Variants in PTPRT observed in about 807,000 individuals in gnomAD.
The protein encoded by PTPRT is receptor-type tyrosine-protein phosphatase T.
In PTPRT, 56 loss-of-function variants were observed where a neutral mutation model predicts 176.8. That is an observed-to-expected ratio of 0.32 (90% CI 0.26 to 0.40). PTPRT has a LOEUF of 0.40. Among genes scored for constraint, PTPRT ranks in the 10% least tolerant of loss-of-function variants. The pLI is 1.00. For missense variants in PTPRT, 1,540 were observed against 1,908.2 expected (o/e 0.81, Z 3.60); for synonymous variants, 783 against 739.0 (o/e 1.06, Z -0.96).
intron 7 of PTPRT, among the ~76,000 whole-genome samples, chr20:42,629,887 T>C (rs1043936906): frequency 2.6e-5 from 4 of 152,186 alleles, no homozygotes; most frequent in Non-Finnish European, 4.4e-5. Context: ...GGAAAAATGA[T>C]ACTCTTAGCG....
chr20:42,095,861 A>T (rs981112706), intron 27 of PTPRT, among the ~76,000 whole-genome samples: 9 of 152,174 alleles, frequency 5.9e-5, no homozygotes, highest in Admixed American at 3.9e-4. Context: ...CTGAATCAAT[A>T]GACTCTCTCC....
At chr20:42,631,657 C>T (rs922563408) in intron 7 of PTPRT, among the ~76,000 whole-genome samples, 8 of 152,158 alleles carry the variant, frequency 5.3e-5, no homozygotes, top group Admixed American at 4.6e-4. Context: ...AACATTTAAA[C>T]TCTTGATTCT....
At chr20:42,701,278 A>G (rs1426168147) in intron 6 of PTPRT, among the ~76,000 whole-genome samples, 5 of 152,222 alleles carry the variant, frequency 3.3e-5, no homozygotes, top group Admixed American at 3.3e-4. Flanking sequence ...ACTGCAAGGT[A>G]AGTTATCCAA....
At chr20:42,845,468 T>C (rs1400690884) in intron 2 of PTPRT, among the ~76,000 whole-genome samples, 1 of 152,170 alleles carries the variant, frequency 6.6e-6, no homozygotes, top group East Asian at 1.9e-4. Flanking sequence ...TGTGTGCACA[T>C]GTGTGTGACA....
At chr20:42,736,633 G>T (rs2076544458) in intron 6 of PTPRT, among the ~76,000 whole-genome samples, 1 of 152,192 alleles carries the variant, frequency 6.6e-6, no homozygotes, top group Admixed American at 6.5e-5. Context: ...ATTAGAATTT[G>T]TGTGGTCAAG....
intron 7 of PTPRT, among the ~76,000 whole-genome samples, chr20:42,474,596 T>C (rs547327629): frequency 7.9e-5 from 12 of 152,164 alleles, no homozygotes; most frequent in Admixed American, 7.9e-4. Context: ...AATGTGACAT[T>C]GAACAAGCTG....
chr20:42,837,371 C>T (rs1351644682), intron 2 of PTPRT, among the ~76,000 whole-genome samples: 4 of 152,180 alleles, frequency 2.6e-5, no homozygotes, highest in East Asian at 1.9e-4. Flanking sequence ...ATCTGGCCTC[C>T]GCCACCCCTC....
chr20:42,997,465 A>G (rs1984286176), intron 1 of PTPRT, among the ~76,000 whole-genome samples: 1 of 152,144 alleles, frequency 6.6e-6, no homozygotes, highest in African/African-American at 2.4e-5. Flanking sequence ...CTCATAGCTA[A>G]GCTGAGCTCC....
rs140495440 is a variant in PTPRT, at chr20:42,924,537, A to G, written c.89-38605T>C. Reference sequence around the variant, plus strand: ...CACACTTTTCCTAAACCCCATACAAACATCTCTATCTCTGCCATGATGGCT... The same window carrying G: ...CACACTTTTCCTAAACCCCATACAAGCATCTCTATCTCTGCCATGATGGCT... On this transcript the variant is annotated intron_variant, in intron 1 of 30. Transcript: ENST00000373187. 2.5e-3 allele frequency among the ~76,000 whole-genome samples: 383 copies of G among 152,250 alleles called. 1 individual carries two copies. The highest frequency in any genetic ancestry group is 8.7e-3 in the African/African-American group (363 of 41,538).
intron 16 of PTPRT, among the ~76,000 whole-genome samples, chr20:42,194,431 G>T (rs569244846): frequency 6.6e-6 from 1 of 152,320 alleles, no homozygotes; most frequent in South Asian, 2.1e-4. Context: ...ATGGTACCCA[G>T]TAGGCAAGTT....
intron 15 of PTPRT, among the ~76,000 whole-genome samples, chr20:42,213,531 A>G (rs767145281): frequency 9.2e-5 from 14 of 152,250 alleles, no homozygotes; most frequent in Non-Finnish European, 2.1e-4. Flanking sequence ...CCTAATCCAT[A>G]GTACCTGTCA....
chr20:42,497,783 A>G (rs2071681705), intron 7 of PTPRT, among the ~76,000 whole-genome samples: 1 of 152,128 alleles, frequency 6.6e-6, no homozygotes, highest in East Asian at 1.9e-4. Flanking sequence ...TAAGAGCCGC[A>G]TTCTCAATAT....
chr20:42,263,370 G>GTTTTT (rs1410570774), intron 13 of PTPRT, among the ~76,000 whole-genome samples: 1 of 116,762 alleles, frequency 8.6e-6, no homozygotes, highest in African/African-American at 4.6e-5. Context: ...GCCATGCCTG[G>GTTTTT]CTTTTTTTTT....
chr20:42,667,594 C>G (rs1215626432), intron 7 of PTPRT, among the ~76,000 whole-genome samples: 1 of 152,180 alleles, frequency 6.6e-6, no homozygotes, highest in Non-Finnish European at 1.5e-5. Flanking sequence ...TAATGCTTCT[C>G]TGTGACTCAC....
chr20:42,167,197 G>A (rs982371038), intron 16 of PTPRT, among the ~76,000 whole-genome samples: 1 of 152,176 alleles, frequency 6.6e-6, no homozygotes, highest in African/African-American at 2.4e-5. Context: ...ATGAATTTGT[G>A]CATAATGTCA....
chr20:42,381,883 A>T (rs2058701295), intron 9 of PTPRT, among the ~76,000 whole-genome samples: 1 of 152,202 alleles, frequency 6.6e-6, no homozygotes, highest in Non-Finnish European at 1.5e-5. Context: ...TTTTTTGTAT[A>T]AAAGAAAATT....
At chr20:42,928,852 A>G (rs1173074513) in intron 1 of PTPRT, among the ~76,000 whole-genome samples, 2 of 152,328 alleles carry the variant, frequency 1.3e-5, no homozygotes, top group East Asian at 3.9e-4. Flanking sequence ...GCTTCAATGC[A>G]AAAGAGAAGG....
intron 7 of PTPRT, among the ~76,000 whole-genome samples, chr20:42,501,299 T>G (rs1167021399): frequency 6.6e-6 from 1 of 152,226 alleles, no homozygotes; most frequent in Non-Finnish European, 1.5e-5. Flanking sequence ...TTCCCATTGC[T>G]GTATAAAAGC....
intron 14 of PTPRT, among the ~76,000 whole-genome samples, chr20:42,241,383 A>G (rs1338849605): frequency 6.6e-6 from 1 of 152,154 alleles, no homozygotes; most frequent in African/African-American, 2.4e-5. Context: ...GGGAATGGCA[A>G]GATGTTGGAA....
Sources: allele counts gnomAD v4.1 joint callset (sites outside exome capture counted in the v4.1 genomes callset), GRCh38; gene constraint gnomAD v4.1.1; transcripts MANE v1.5; gene names NCBI Gene and HGNC (gene_info 2026-07-23, HGNC 2026-07-21).